Variants in KCND2 observed in about 807,000 individuals in gnomAD.
The protein encoded by KCND2 is A-type voltage-gated potassium channel KCND2.
KCND2 carries 16 observed loss-of-function variants against 54.4 expected under a neutral mutation model. The ratio of observed to expected loss-of-function variants is 0.29; its 90% CI spans 0.20 to 0.45. The LOEUF (loss-of-function observed/expected upper bound fraction) is 0.45, where lower values mean the gene tolerates loss of function less well. Ranked by LOEUF, KCND2 falls within the 20% of genes least tolerant of loss-of-function variation. The pLI is 1.00. For synonymous variants in KCND2, 317 were observed against 310.7 expected (o/e 1.02, Z -0.21); for missense variants, 486 against 824.2 (o/e 0.59, Z 5.02).
At chr7:120,343,574 T>C (rs1273860031) in intron 1 of KCND2, among the ~76,000 whole-genome samples, 2 of 152,164 alleles carry the variant, frequency 1.3e-5, no homozygotes, top group African/African-American at 2.4e-5. Flanking sequence ...GAAATCCTCA[T>C]ATGCAGATAG....
intron 1 of KCND2, among the ~76,000 whole-genome samples, chr7:120,671,776 C>T (rs545194295): frequency 3.7e-4 from 57 of 152,224 alleles, no homozygotes; most frequent in African/African-American, 1.3e-3. Flanking sequence ...TTTTCTGCCC[C>T]TTGATCTATT....
At chr7:120,635,155 G>A (rs752759019) in intron 1 of KCND2, among the ~76,000 whole-genome samples, 2 of 152,120 alleles carry the variant, frequency 1.3e-5, no homozygotes. Flanking sequence ...CTTACTTTAT[G>A]AGCTTGTCTC....
chr7:120,454,040 C>T (rs1166909021), intron 1 of KCND2, among the ~76,000 whole-genome samples: 5 of 152,090 alleles, frequency 3.3e-5, no homozygotes, highest in South Asian at 2.1e-4. Flanking sequence ...GCTGAGATCA[C>T]GCCACTGCAC....
Position 120,306,730 on chromosome 7 carries a change from C to T in KCND2, c.1115+30983C>T, listed in dbSNP as rs535922429. ...CAAATATTGACTTCTATACCGTTATCATATTTCTCTTGAGCATTCTCTAAC... is the reference window on the plus strand; with the variant it reads ...CAAATATTGACTTCTATACCGTTATTATATTTCTCTTGAGCATTCTCTAAC... On this transcript the variant is annotated intron_variant, in intron 1 of 5. Transcript: ENST00000331113. Among the ~76,000 whole-genome samples, 6 of 152,044 alleles carry T rather than the reference C, an allele frequency of 3.9e-5. No individual in the cohort carries two copies. In the South Asian group the frequency reaches 1.2e-3, roughly 31 times the overall value.
intron 1 of KCND2, among the ~76,000 whole-genome samples, chr7:120,431,140 C>G (rs1055471883): frequency 5.9e-5 from 9 of 152,102 alleles, no homozygotes; most frequent in Non-Finnish European, 8.8e-5. Flanking sequence ...GATGATTCAT[C>G]AATGTCAAAG....
chr7:120,394,603 C>T (rs536147877), intron 1 of KCND2, among the ~76,000 whole-genome samples: 1 of 152,030 alleles, frequency 6.6e-6, no homozygotes, highest in South Asian at 2.1e-4. Context: ...GTTTCAGCTC[C>T]AGAACAAGGA....
Position 120,653,235 on chromosome 7 carries a change from G to A in KCND2, c.1116-79668G>A, listed in dbSNP as rs569320270. 4.0e-5 allele frequency among the ~76,000 whole-genome samples: 6 copies of A among 148,802 alleles called. No homozygotes were observed. The South Asian group carries it at 1.3e-3, about 32-fold the overall frequency. On this transcript the variant is annotated intron_variant, in intron 1 of 5. Transcript: ENST00000331113. ...TTTTTTTTGTATTTTTGGTAGAGAT[G>A]GGGTCTCTCTATGTTACCCAGCCTG...
chr7:120,360,231 G>A (rs1044538179), intron 1 of KCND2, among the ~76,000 whole-genome samples: 18 of 151,854 alleles, frequency 1.2e-4, no homozygotes, highest in African/African-American at 3.6e-4. Flanking sequence ...TATTATCACC[G>A]AGTGCTCTTA....
chr7:120,496,983 T>G (rs1283475990), intron 1 of KCND2, among the ~76,000 whole-genome samples: 1 of 152,210 alleles, frequency 6.6e-6, no homozygotes, highest in Non-Finnish European at 1.5e-5. Context: ...TCTGGCTTAA[T>G]GATTATGATA....
At chr7:120,622,599 T>C (rs1793113027) in intron 1 of KCND2, among the ~76,000 whole-genome samples, 3 of 151,622 alleles carry the variant, frequency 2.0e-5, no homozygotes, top group Non-Finnish European at 4.4e-5. Context: ...AGCAGAATCA[T>C]GGAACCATTA....
chr7:120,409,627 G>C (rs1241315565), intron 1 of KCND2, among the ~76,000 whole-genome samples: 1 of 151,570 alleles, frequency 6.6e-6, no homozygotes, highest in Non-Finnish European at 1.5e-5. Context: ...TTTAATGTGT[G>C]TTTCTCTTAT....
At chr7:120,332,922 G>GATA (rs532351039) in intron 1 of KCND2, among the ~76,000 whole-genome samples, 104 of 152,146 alleles carry the variant, frequency 6.8e-4, no homozygotes, top group Non-Finnish European at 1.2e-3. Flanking sequence ...TCTTATCCAA[G>GATA]ATAATAGACT....
At chr7:120,357,163 TTTA>T (rs1265541785) in intron 1 of KCND2, among the ~76,000 whole-genome samples, 2 of 152,150 alleles carry the variant, frequency 1.3e-5, no homozygotes, top group Admixed American at 1.3e-4. Context: ...ATAACTAACA[TTTA>T]TTAAGCAAGT....
chr7:120,539,175 A>G (rs1791949669), intron 1 of KCND2, among the ~76,000 whole-genome samples: 1 of 152,178 alleles, frequency 6.6e-6, no homozygotes, highest in South Asian at 2.1e-4. Flanking sequence ...TAGAAAATTG[A>G]TAGATAGATA....
intron 1 of KCND2, among the ~76,000 whole-genome samples, chr7:120,363,265 T>A (rs1347629465): frequency 3.9e-5 from 6 of 152,096 alleles, no homozygotes; most frequent in Non-Finnish European, 5.9e-5. Flanking sequence ...CACTGCACTT[T>A]GGCCCTTGAG....
intron 5 of KCND2, chr7:120,746,755 T>C (rs1455497421): frequency 6.6e-6 from 1 of 152,290 alleles, no homozygotes; most frequent in Non-Finnish European, 1.5e-5. Context: ...AATAATTTTA[T>C]TCTGTTTTCA....
chr7:120,481,732 G>A (rs563313010), intron 1 of KCND2, among the ~76,000 whole-genome samples: 1 of 152,112 alleles, frequency 6.6e-6, no homozygotes, highest in African/African-American at 2.4e-5. Context: ...AGGGACCCAG[G>A]TGTAGTTGAA....
chr7:120,684,044 G>A (rs975857563), intron 1 of KCND2, among the ~76,000 whole-genome samples: 3 of 152,016 alleles, frequency 2.0e-5, no homozygotes, highest in Admixed American at 6.6e-5. Flanking sequence ...TCTCCAAATA[G>A]AGCCTTTATT....
At chr7:120,505,252 A>T (rs1320808153) in intron 1 of KCND2, among the ~76,000 whole-genome samples, 3 of 151,720 alleles carry the variant, frequency 2.0e-5, no homozygotes, top group Non-Finnish European at 4.4e-5. Context: ...TAACCTTCTA[A>T]ATAGAAGATG....
Sources: allele counts gnomAD v4.1 joint callset (sites outside exome capture counted in the v4.1 genomes callset), GRCh38; gene constraint gnomAD v4.1.1; transcripts MANE v1.5; gene names NCBI Gene and HGNC (gene_info 2026-07-23, HGNC 2026-07-21).